Variants in TRPM3 observed in about 807,000 individuals in gnomAD.
TRPM3 encodes transient receptor potential cation channel subfamily M member 3.
TRPM3 carries 77 observed loss-of-function variants against 181.2 expected under a neutral mutation model. The ratio of observed to expected loss-of-function variants is 0.42; its 90% CI spans 0.35 to 0.51. The LOEUF (loss-of-function observed/expected upper bound fraction) is 0.51, where lower values mean the gene tolerates loss of function less well. TRPM3 is among the 20% of genes least tolerant of loss of function. The pLI is 0.01. For synonymous variants in TRPM3, 745 were observed against 796.4 expected, an observed-to-expected ratio of 0.94 and a Z score of 1.09; for missense variants, 1,759 against 2,196.7, an observed-to-expected ratio of 0.80 and a Z score of 3.98.
At chr9:70,677,656 A>C (rs541735145) in intron 9 of TRPM3, among the ~76,000 whole-genome samples, 9 of 152,312 alleles carry the variant, frequency 5.9e-5, no homozygotes, top group Non-Finnish European at 1.2e-4. Flanking sequence ...TTCATACTTC[A>C]CTGAGCCTAA....
intron 1 of TRPM3, among the ~76,000 whole-genome samples, chr9:71,266,031 G>A (rs114269735): frequency 4.6e-5 from 7 of 152,284 alleles, no homozygotes; most frequent in African/African-American, 1.7e-4. Context: ...ACAGGTGTCT[G>A]TCTCCAGTTC....
chr9:71,414,598 T>G (rs903963069), intron 1 of TRPM3, among the ~76,000 whole-genome samples: 1 of 152,038 alleles, frequency 6.6e-6, no homozygotes, highest in South Asian at 2.1e-4. Flanking sequence ...ACAATAGGAC[T>G]GAATATTATA....
intron 1 of TRPM3, among the ~76,000 whole-genome samples, chr9:70,915,050 C>T (rs1161638021): frequency 2.0e-5 from 3 of 152,164 alleles, no homozygotes; most frequent in Non-Finnish European, 4.4e-5. Context: ...CAGATACATA[C>T]ACACATCCAC....
intron 1 of TRPM3, among the ~76,000 whole-genome samples, chr9:71,179,701 G>C (rs2077289752): frequency 6.6e-6 from 1 of 152,086 alleles, no homozygotes; most frequent in African/African-American, 2.4e-5. Flanking sequence ...GATTTGTAGG[G>C]GGCCAGCAGT....
chr9:71,300,149 T>A (rs1337688833), intron 1 of TRPM3, among the ~76,000 whole-genome samples: 1 of 152,112 alleles, frequency 6.6e-6, no homozygotes, highest in East Asian at 1.9e-4. Context: ...ATGTCTATAA[T>A]GGTGAAATAG....
intron 1 of TRPM3, among the ~76,000 whole-genome samples, chr9:71,306,349 C>G (rs1168989783): frequency 6.6e-6 from 1 of 152,104 alleles, no homozygotes; most frequent in African/African-American, 2.4e-5. Context: ...CTGGGAACCC[C>G]CTGCAGAGAA....
In TRPM3 at chr9:70,535,983, A is replaced by C; in HGVS notation, c.5130T>G (p.Ala1710=). The C allele has an allele frequency of 6.2e-7, 1 of 1,605,938 alleles. No individual in the cohort carries two copies. Among genetic ancestry groups the C allele is most frequent in the Non-Finnish European group, 8.5e-7 (1 of 1,176,820 alleles). ...TGTGCTTGCTTTCAAAGCTTTGGAA[A>C]GCCGATGTTCTGGACAGTCTCCTCA... is the stretch of plus-strand genomic sequence containing the variant. ...LSMRRLSRTS[A]FQSFESKHN The change falls in exon 26 of 26, where the codon GCT becomes GCG. Residue 1710 remains alanine, a synonymous_variant. Coordinates refer to ENST00000677713, the MANE Select transcript of TRPM3 (RefSeq NM_001366145.2).
At chr9:71,446,940 CT>C (rs2094211587), upstream of TRPM3, 7 of 1,178,024 alleles carry the variant, frequency 5.9e-6, no homozygotes, top group South Asian at 1.3e-4. Context: ...TCGGTTGGCG[CT>C]GCCTTTGCCT....
At chr9:71,403,601 A>G (rs1400784332) in intron 1 of TRPM3, among the ~76,000 whole-genome samples, 1 of 152,206 alleles carries the variant, frequency 6.6e-6, no homozygotes, top group East Asian at 1.9e-4. Context: ...AACCCTGTGA[A>G]ATAAAGCTAT....
intron 5 of TRPM3, among the ~76,000 whole-genome samples, chr9:70,829,789 G>A (rs777015303): frequency 6.6e-6 from 1 of 152,142 alleles, no homozygotes; most frequent in African/African-American, 2.4e-5. Flanking sequence ...CCGAAACACA[G>A]AGACAGTGGT....
At chr9:71,294,688 C>A (rs111347020) in intron 1 of TRPM3, among the ~76,000 whole-genome samples, 1 of 152,038 alleles carries the variant, frequency 6.6e-6, no homozygotes, top group East Asian at 1.9e-4. Flanking sequence ...GAGAAAATGT[C>A]CACAAAAACA....
At chr9:70,905,353 C>A (rs1280722640) in intron 1 of TRPM3, among the ~76,000 whole-genome samples, 1 of 152,164 alleles carries the variant, frequency 6.6e-6, no homozygotes, top group Non-Finnish European at 1.5e-5. Flanking sequence ...AACCAATATT[C>A]CCTAAACGAA....
intron 1 of TRPM3, among the ~76,000 whole-genome samples, chr9:70,995,918 C>G (rs2097537500): frequency 6.6e-6 from 1 of 152,184 alleles, no homozygotes. Flanking sequence ...AATCTTGTCA[C>G]TTTTCCCTCT....
chr9:71,349,433 C>A (rs1281504916), intron 1 of TRPM3, among the ~76,000 whole-genome samples: 1 of 152,166 alleles, frequency 6.6e-6, no homozygotes, highest in Non-Finnish European at 1.5e-5. Flanking sequence ...TTAAGACTCA[C>A]AGAGCAATTC....
intron 9 of TRPM3, among the ~76,000 whole-genome samples, chr9:70,647,929 A>G (rs2059115315): frequency 6.6e-6 from 1 of 152,234 alleles, no homozygotes; most frequent in African/African-American, 2.4e-5. Flanking sequence ...TCAAGAATGC[A>G]ATATCAGTCA....
chr9:71,202,638 T>C (rs2078879900), intron 1 of TRPM3, among the ~76,000 whole-genome samples: 1 of 152,176 alleles, frequency 6.6e-6, no homozygotes, highest in African/African-American at 2.4e-5. Context: ...ACTCGGACAG[T>C]GCAGGGTGGT....
intron 1 of TRPM3, among the ~76,000 whole-genome samples, chr9:71,445,052 G>A (rs1589054459): frequency 6.6e-6 from 1 of 152,166 alleles, no homozygotes; most frequent in Non-Finnish European, 1.5e-5. Flanking sequence ...TTTTCCAGAT[G>A]TCTCTGGTTG....
chr9:70,888,064 G>A (rs771314443), intron 1 of TRPM3, among the ~76,000 whole-genome samples: 2 of 152,138 alleles, frequency 1.3e-5, no homozygotes, highest in Non-Finnish European at 2.9e-5. Context: ...TATCTTCAAA[G>A]CTCTACAGAT....
rs546709389 is a variant in TRPM3, at chr9:71,139,947, T to C, written c.184-275436A>G. Among the ~76,000 whole-genome samples the C allele has an allele frequency of 2.0e-5, 3 of 152,276 alleles. No homozygotes were observed. The South Asian group carries it at 6.2e-4, about 32-fold the overall frequency. On this transcript the variant is annotated intron_variant, in intron 1 of 24. Transcript: ENST00000357533. Reference sequence around the variant, plus strand: ...CCCTTCCTGAAAAATGAAAAAAGCATCCAAGCTCTCTTGCAGCCCTCGCTA... The same window carrying C: ...CCCTTCCTGAAAAATGAAAAAAGCACCCAAGCTCTCTTGCAGCCCTCGCTA...
Sources: allele counts gnomAD v4.1 joint callset (sites outside exome capture counted in the v4.1 genomes callset), GRCh38; gene constraint gnomAD v4.1.1; transcripts MANE v1.5; gene names NCBI Gene and HGNC (gene_info 2026-07-23, HGNC 2026-07-21).